Variants in WDR48 observed in about 807,000 individuals in gnomAD.
WDR48 encodes the protein WD repeat-containing protein 48.
Under a neutral mutation model 94.0 loss-of-function variants are expected in WDR48, and 22 were observed. The ratio of observed to expected loss-of-function variants is 0.23; its 90% CI spans 0.17 to 0.33. The LOEUF (loss-of-function observed/expected upper bound fraction) is 0.33. Among genes scored for constraint, WDR48 ranks in the 10% least tolerant of loss-of-function variants. WDR48 has a pLI of 1.00. For synonymous variants in WDR48, 278 were observed against 280.5 expected (o/e 0.99, Z 0.09); for missense variants, 541 against 813.8 (o/e 0.66, Z 4.08).
chr3:39,069,841 CTTA>C (rs1219458450), intron 7 of WDR48, 97 bp downstream of exon 7: 19 of 963,750 alleles, frequency 2.0e-5, no homozygotes, highest in Non-Finnish European at 2.4e-5. Context: ...GAAAGCCACA[CTTA>C]TTATAAATTG....
intron 2 of WDR48, among the ~76,000 whole-genome samples, chr3:39,064,204 C>T (rs1438786075): frequency 6.6e-6 from 1 of 151,808 alleles, no homozygotes; most frequent in Non-Finnish European, 1.5e-5. Flanking sequence ...ACGCTCTTTG[C>T]ATTTTCATAT....
chr3:39,093,869 T>C lies in WDR48; in HGVS notation c.1746-5T>C, dbSNP rs762508087. The stretch of plus-strand genomic sequence containing the variant: ...ATGTCACAATATGCCATTGCTTTTT[T>C]ACAGAGATAGACTCTCTGCTAGTGA... On this transcript the variant is annotated splice_polypyrimidine_tract_variant and splice_region_variant and intron_variant, in intron 17 of 18. Coordinates refer to ENST00000302313, the MANE Select transcript of WDR48 (RefSeq NM_020839.4). The C allele has an allele frequency of 3.9e-6, 6 of 1,545,206 alleles. No homozygotes were observed. Among genetic ancestry groups the C allele is most frequent in the Non-Finnish European group, 5.2e-6 (6 of 1,148,426 alleles).
At chr3:39,092,509 G>T (rs1470586899) in intron 17 of WDR48, among the ~76,000 whole-genome samples, 1 of 152,166 alleles carries the variant, frequency 6.6e-6, no homozygotes, top group African/African-American at 2.4e-5. Flanking sequence ...GCAGCAGGGG[G>T]ATATTAGGAG....
In WDR48 at chr3:39,084,829, A is replaced by C. The variant is rs551814283; in HGVS notation, c.1378+88A>C. On this transcript the variant is annotated intron_variant, in intron 13 of 18. Transcript: ENST00000302313. ...TTTTGCTAAGTACTTATCTTTGTAA[A>C]AGTTCTCTATATTTTGTTGACTATG... The C allele has an allele frequency of 4.6e-6, 5 of 1,096,356 alleles. No homozygotes were observed. The East Asian group carries it at 1.3e-4, about 27-fold the overall frequency. 67.9% of individuals were successfully genotyped at this position (1,096,356 alleles called of 1,614,324 possible). A position where few individuals can be genotyped will look rare whatever the true frequency, so the allele number is the denominator to read the frequency against.
At chr3:39,077,544 TACC>T (rs1273247402) in intron 9 of WDR48, among the ~76,000 whole-genome samples, 1 of 152,208 alleles carries the variant, frequency 6.6e-6, no homozygotes, top group East Asian at 1.9e-4. Flanking sequence ...GTAGCCCAAG[TACC>T]AACAAGGCAG....
chr3:39,072,805 ATTCT>A (rs1383564597), intron 7 of WDR48, among the ~76,000 whole-genome samples: 1 of 152,230 alleles, frequency 6.6e-6, no homozygotes, highest in African/African-American at 2.4e-5. Flanking sequence ...AAAACAGGAC[ATTCT>A]TTAATTATAC....
chr3:39,058,092 C>T (rs767391707), intron 1 of WDR48, among the ~76,000 whole-genome samples: 1 of 152,154 alleles, frequency 6.6e-6, no homozygotes, highest in Non-Finnish European at 1.5e-5. Flanking sequence ...TCTAGACCTC[C>T]ATCAACTCTT....
chr3:39,053,217 A>T (rs189403790), intron 1 of WDR48, among the ~76,000 whole-genome samples: 3 of 152,212 alleles, frequency 2.0e-5, no homozygotes, highest in Non-Finnish European at 4.4e-5. Context: ...AGAAATAATT[A>T]ACACCTAGGC....
At chr3:39,084,085 G>A in intron 11 of WDR48, 70 bp from the exon 12 acceptor site, 5 of 1,207,836 alleles carry the variant, frequency 4.1e-6, no homozygotes. Flanking sequence ...GTAAAATTTT[G>A]AATAGCAAAG....
At chr3:39,060,238 C>T (rs1205200125) in intron 1 of WDR48, among the ~76,000 whole-genome samples, 2 of 151,968 alleles carry the variant, frequency 1.3e-5, no homozygotes, top group Non-Finnish European at 1.5e-5. Context: ...TCATTTTTCC[C>T]TCCTTCAATC....
chr3:39,070,877 C>T (rs1341111241), intron 7 of WDR48, among the ~76,000 whole-genome samples: 1 of 152,122 alleles, frequency 6.6e-6, no homozygotes, highest in Non-Finnish European at 1.5e-5. Flanking sequence ...GTTCCCCTTC[C>T]TGTGTCCATG....
Position 39,077,178 on chromosome 3 carries a change from T to C in WDR48, c.937T>C (p.Trp313Arg). Residue 313 changes from tryptophan to arginine, a missense_variant, in exon 9 of 19, where the codon TGG (tryptophan) becomes CGG (arginine). Around this residue, in one of 5 missense-constraint regions of WDR48, gnomAD observed 238 missense variants for 285.3 expected, o/e 0.83. Coordinates refer to ENST00000302313, the MANE Select transcript of WDR48 (RefSeq NM_020839.4). ...DRSADPPPAI[W>R]VATTKSTVNK... Reference sequence around the variant, plus strand: ...ATCAGCTGATCCTCCTCCTGCAATTTGGGTTGCAACAACTAAGTCTACAGT... The same window carrying C: ...ATCAGCTGATCCTCCTCCTGCAATTCGGGTTGCAACAACTAAGTCTACAGT... The C allele has an allele frequency of 6.2e-7, 1 of 1,614,152 alleles. No homozygotes were observed. The highest frequency in any genetic ancestry group is 8.5e-7 in the Non-Finnish European group (1 of 1,180,018).
At chr3:39,075,386 A>G (rs1217541698) in intron 8 of WDR48, among the ~76,000 whole-genome samples, 1 of 152,052 alleles carries the variant, frequency 6.6e-6, no homozygotes, top group South Asian at 2.1e-4. Context: ...GTTATCTGTG[A>G]GCAGACAACA....
chr3:39,067,120 T>C (rs115519645), intron 5 of WDR48, among the ~76,000 whole-genome samples: 228 of 152,310 alleles, frequency 1.5e-3, no homozygotes, highest in African/African-American at 5.1e-3. Flanking sequence ...GTGCATGTCT[T>C]AGCTCCCTAG....
intron 7 of WDR48, among the ~76,000 whole-genome samples, chr3:39,071,304 A>G (rs567960437): frequency 2.0e-5 from 3 of 152,310 alleles, no homozygotes; most frequent in African/African-American, 4.8e-5. Context: ...AGAGCTCTCA[A>G]GTTCCTTTGT....
intron 1 of WDR48, among the ~76,000 whole-genome samples, chr3:39,058,368 G>A (rs1394010032): frequency 5.3e-5 from 8 of 152,220 alleles, no homozygotes; most frequent in South Asian, 2.1e-4. Flanking sequence ...TAAAGCACAC[G>A]TCTTTAGGAA....
chr3:39,054,518 T>C (rs1452538128), intron 1 of WDR48, among the ~76,000 whole-genome samples: 2 of 152,246 alleles, frequency 1.3e-5, no homozygotes, highest in African/African-American at 4.8e-5. Flanking sequence ...CTTAACATAT[T>C]TTTTTGCTAT....
chr3:39,078,394 T>TG (rs1273989823), intron 10 of WDR48, among the ~76,000 whole-genome samples, 155 bp downstream of exon 10: 1 of 152,068 alleles, frequency 6.6e-6, no homozygotes, highest in African/African-American at 2.4e-5. Context: ...AAAAGGTTTT[T>TG]TTTTGTTTGT....
At position 39,095,541 on chromosome 3, in the gene WDR48, G is replaced by A. The variant is rs947602414; in HGVS notation, c.*798G>A. ...GTTTTATTTACACAAAGCGAGCTGA[G>A]ACCACAGGTTCTTGCTCTGGATGAG... On this transcript the variant is annotated 3_prime_UTR_variant, in exon 19 of 19. Coordinates refer to ENST00000302313, the MANE Select transcript of WDR48 (RefSeq NM_020839.4). The A allele has an allele frequency of 3.9e-5, 6 of 152,196 alleles. No homozygotes were observed. The highest frequency in any genetic ancestry group is 1.3e-4 in the Admixed American group (2 of 15,280). 9.4% of individuals were successfully genotyped at this position (152,196 alleles called of 1,614,324 possible). A position where few individuals can be genotyped will look rare whatever the true frequency, so the allele number is the denominator to read the frequency against.
Sources: allele counts gnomAD v4.1 joint callset (sites outside exome capture counted in the v4.1 genomes callset), GRCh38; gene constraint gnomAD v4.1.1; regional missense constraint gnomAD v4.1.1; transcripts MANE v1.5; gene names NCBI Gene and HGNC (gene_info 2026-07-23, HGNC 2026-07-21).